The following LRP1B variants were observed in gnomAD, a reference collection of about 807,000 sequenced individuals.
LRP1B encodes the protein low-density lipoprotein receptor-related protein 1B.
A neutral mutation model predicts 556.6 loss-of-function variants in LRP1B; 217 were observed. The ratio of observed to expected loss-of-function variants is 0.39; its 90% CI spans 0.35 to 0.44. LRP1B has a LOEUF of 0.44. Ranked by LOEUF, LRP1B falls within the 20% of genes least tolerant of loss-of-function variation. The probability of loss-of-function intolerance (pLI) is 1.00; values close to 1 mark genes in which losing one functional copy is unlikely to be tolerated. For synonymous variants in LRP1B, 2,047 were observed against 1,865.8 expected (o/e 1.10, Z -2.50); for missense variants, 5,053 against 5,620.8 (o/e 0.90, Z 3.23).
intron 6 of LRP1B, among the ~76,000 whole-genome samples, chr2:141,195,620 A>G (rs1003711499): frequency 6.6e-6 from 1 of 152,094 alleles, no homozygotes; most frequent in South Asian, 2.1e-4. Flanking sequence ...ACTGTTTTGG[A>G]TTCCTGAAAT....
chr2:140,915,884 CG>C (rs1694560871), intron 21 of LRP1B, among the ~76,000 whole-genome samples: 1 of 151,420 alleles, frequency 6.6e-6, no homozygotes, highest in Admixed American at 6.6e-5. Context: ...AAAAATTAGC[CG>C]GGTGAGGGGG....
At chr2:140,394,353 G>A (rs1684161345) in intron 66 of LRP1B, among the ~76,000 whole-genome samples, 1 of 152,038 alleles carries the variant, frequency 6.6e-6, no homozygotes, top group African/African-American at 2.4e-5. Context: ...GTAATTTACT[G>A]CTGAAATGTG....
At chr2:141,835,344 C>T (rs1031736121) in intron 1 of LRP1B, among the ~76,000 whole-genome samples, 1 of 151,868 alleles carries the variant, frequency 6.6e-6, no homozygotes, top group African/African-American at 2.4e-5. Flanking sequence ...CATCATCTAG[C>T]CCGAATCAGT....
chr2:141,023,210 T>C (rs753614572), intron 11 of LRP1B, among the ~76,000 whole-genome samples: 11 of 151,946 alleles, frequency 7.2e-5, no homozygotes, highest in Non-Finnish European at 1.5e-4. Flanking sequence ...TTTGTTCTAG[T>C]AATTTCAAAA....
intron 74 of LRP1B, among the ~76,000 whole-genome samples, chr2:140,356,747 A>C (rs572432629): frequency 6.6e-6 from 1 of 151,958 alleles, no homozygotes; most frequent in South Asian, 2.1e-4. Flanking sequence ...CTTTTTAAAA[A>C]TAAGTCAGGA....
At chr2:141,845,708 A>C (rs1199763210) in intron 1 of LRP1B, among the ~76,000 whole-genome samples, 1 of 151,958 alleles carries the variant, frequency 6.6e-6, no homozygotes, top group Non-Finnish European at 1.5e-5. Flanking sequence ...TACTAGAGAA[A>C]TGCAAACACT....
intron 1 of LRP1B, among the ~76,000 whole-genome samples, chr2:141,811,761 T>A (rs1044412472): frequency 9.2e-5 from 14 of 152,028 alleles, no homozygotes; most frequent in African/African-American, 2.7e-4. Context: ...TTGAGCATAC[T>A]TTGTATTTGG....
intron 2 of LRP1B, among the ~76,000 whole-genome samples, chr2:141,730,057 G>A (rs370975693): frequency 2.0e-5 from 3 of 152,222 alleles, no homozygotes; most frequent in South Asian, 2.1e-4. Context: ...ACTGTCTCAC[G>A]GAACTGTGGG....
At chr2:141,609,722 T>C (rs1201681170) in intron 2 of LRP1B, among the ~76,000 whole-genome samples, 1 of 152,186 alleles carries the variant, frequency 6.6e-6, no homozygotes, top group East Asian at 1.9e-4. Context: ...ACTCCTTTTT[T>C]CCTCTAATGG....
intron 66 of LRP1B, among the ~76,000 whole-genome samples, chr2:140,414,417 C>T (rs1178151381): frequency 3.9e-5 from 6 of 151,964 alleles, no homozygotes; most frequent in Admixed American, 3.9e-4. Flanking sequence ...GTTCTGATCT[C>T]GTTAGCTTAA....
At chr2:140,615,479 T>A (rs1574146186) in intron 41 of LRP1B, among the ~76,000 whole-genome samples, 1 of 152,228 alleles carries the variant, frequency 6.6e-6, no homozygotes, top group East Asian at 1.9e-4. Flanking sequence ...GCTATCTCAG[T>A]GAATCGGCTC....
rs72853328 is a variant in LRP1B at position 141,152,301 on chromosome 2, C to T, written c.1013+36120G>A. On this transcript the variant is annotated intron_variant, in intron 7 of 90. Coordinates refer to ENST00000389484, the MANE Select transcript of LRP1B (RefSeq NM_018557.3). ...TTGTAAAACACTTTGCACAGCATTT[C>T]GGGACAATAACTAGGTTTCCAAAAT... Among the ~76,000 whole-genome samples the T allele has an allele frequency of 7.8e-3, 1,182 of 151,922 alleles. 2 individuals are homozygous for T. Among genetic ancestry groups the T allele is most frequent in the African/African-American group, 8.7e-3 (359 of 41,486 alleles).
intron 55 of LRP1B, among the ~76,000 whole-genome samples, chr2:140,501,143 T>C (rs142610835): frequency 1.3e-5 from 2 of 152,094 alleles, no homozygotes; most frequent in Non-Finnish European, 2.9e-5. Context: ...TTCAGGGAAA[T>C]GGTACTTACA....
intron 1 of LRP1B, among the ~76,000 whole-genome samples, chr2:141,814,889 C>A (rs1696479738): frequency 6.6e-6 from 1 of 151,868 alleles, no homozygotes; most frequent in Non-Finnish European, 1.5e-5. Context: ...AAGGAAGAGG[C>A]AAAGAGGTAA....
chr2:141,561,571 T>C (rs1686153912), intron 2 of LRP1B, among the ~76,000 whole-genome samples: 3 of 151,876 alleles, frequency 2.0e-5, no homozygotes, highest in Admixed American at 6.6e-5. Flanking sequence ...CTGGCCATTT[T>C]CATTTCCCAC....
chr2:140,357,294 T>G (rs1436715573), intron 74 of LRP1B, among the ~76,000 whole-genome samples: 1 of 151,616 alleles, frequency 6.6e-6, no homozygotes, highest in Non-Finnish European at 1.5e-5. Flanking sequence ...GTCAGTGGAA[T>G]GATACCATGG....
Position 140,730,970 on chromosome 2 carries a change from T to C in LRP1B, c.5759-14154A>G, listed in dbSNP as rs888600431. ...TCTCACACGCTTTCCTGCCTCCATC[T>C]TGACTCTAGCAGCACTAGCCTGTTT... On this transcript the variant is annotated intron_variant, in intron 35 of 90. Transcript: ENST00000389484. 3.3e-5 allele frequency among the ~76,000 whole-genome samples: 5 copies of C among 152,266 alleles called. No individual in the cohort carries two copies. In the East Asian group the frequency reaches 9.7e-4, roughly 29 times the overall value.
rs542028125 is a variant in LRP1B, at chr2:142,041,566, T to C, written c.82+89082A>G. On this transcript the variant is annotated intron_variant, in intron 1 of 90. Coordinates refer to ENST00000389484, the MANE Select transcript of LRP1B (RefSeq NM_018557.3). ...AACAAAAAAGCCTTTTTTGCTTGTTTTATGTTTTCATTTGCTTTGAAACTC... is the reference window on the plus strand; with the variant it reads ...AACAAAAAAGCCTTTTTTGCTTGTTCTATGTTTTCATTTGCTTTGAAACTC... Among the ~76,000 whole-genome samples the C allele has an allele frequency of 2.1e-4, 32 of 151,572 alleles. 1 individual carries two copies. In the South Asian group the frequency reaches 5.6e-3, roughly 26 times the overall value.
intron 59 of LRP1B, among the ~76,000 whole-genome samples, chr2:140,477,134 G>A (rs1688009519): frequency 6.6e-6 from 1 of 151,936 alleles, no homozygotes; most frequent in African/African-American, 2.4e-5. Context: ...CAGAAGAGAT[G>A]CAAAAGAAGA....
Sources: allele counts gnomAD v4.1 joint callset (sites outside exome capture counted in the v4.1 genomes callset), GRCh38; gene constraint gnomAD v4.1.1; transcripts MANE v1.5; gene names NCBI Gene and HGNC (gene_info 2026-07-23, HGNC 2026-07-21).